The following RIT2 variants were observed in gnomAD, a reference collection of about 807,000 sequenced individuals.
The protein encoded by RIT2 is GTP-binding protein Rit2.
RIT2 carries 24 observed loss-of-function variants against 23.7 expected under a neutral mutation model. The ratio of observed to expected loss-of-function variants is 1.01; its 90% confidence interval spans 0.73 to 1.43. RIT2 has a LOEUF of 1.43. Ranked by LOEUF, RIT2 falls within the 40% of genes most tolerant of loss-of-function variation. The pLI is 0.00. For synonymous variants in RIT2, 107 were observed against 91.1 expected (o/e 1.17, Z -0.99); for missense variants, 236 against 266.9 (o/e 0.88, Z 0.81).
At chr18:43,091,309 A>G (rs1423797549) in intron 1 of RIT2, among the ~76,000 whole-genome samples, 1 of 152,100 alleles carries the variant, frequency 6.6e-6, no homozygotes, top group African/African-American at 2.4e-5. Context: ...TAGAGATTAG[A>G]CAACAAATGG....
chr18:43,080,192 T>C lies in RIT2; in HGVS notation c.103+35225A>G, dbSNP rs1913123526. Among the ~76,000 whole-genome samples the C allele has an allele frequency of 2.0e-5, 3 of 152,292 alleles. No homozygotes were observed. In the South Asian group the frequency reaches 6.2e-4, roughly 32 times the overall value. ...CCTGTGCCAGGCCGCTTTCCTCTGT[T>C]AGAGAATGTATGCACATCAGCTAAT... On this transcript the variant is annotated intron_variant, in intron 1 of 4. Transcript: ENST00000326695.
chr18:43,068,645 A>T (rs1267900652), intron 1 of RIT2, among the ~76,000 whole-genome samples: 7 of 152,150 alleles, frequency 4.6e-5, no homozygotes, highest in Non-Finnish European at 1.0e-4. Context: ...TTGGCAATTG[A>T]GAGAAAATAT....
At chr18:42,779,919 A>G (rs1162109884) in intron 4 of RIT2, among the ~76,000 whole-genome samples, 1 of 152,130 alleles carries the variant, frequency 6.6e-6, no homozygotes, top group Non-Finnish European at 1.5e-5. Context: ...AAATGGAGAG[A>G]ATAGTCAATT....
intron 1 of RIT2, among the ~76,000 whole-genome samples, chr18:43,035,521 A>C (rs1461266684): frequency 6.6e-6 from 1 of 152,018 alleles, no homozygotes; most frequent in African/African-American, 2.4e-5. Flanking sequence ...TCTCACCTAC[A>C]CCTAAACTTT....
chr18:42,784,368 G>A (rs1258487435), intron 4 of RIT2, among the ~76,000 whole-genome samples: 1 of 151,770 alleles, frequency 6.6e-6, no homozygotes, highest in Non-Finnish European at 1.5e-5. Context: ...AAAATACTTG[G>A]GTTTCAACCA....
At chr18:43,105,500 G>A (rs1039239723) in intron 1 of RIT2, among the ~76,000 whole-genome samples, 1 of 150,958 alleles carries the variant, frequency 6.6e-6, no homozygotes, top group Non-Finnish European at 1.5e-5. Context: ...GAGGAAGAAA[G>A]GGAGGGAGGG....
At chr18:42,977,559 G>A (rs570631255) in intron 2 of RIT2, among the ~76,000 whole-genome samples, 8 of 151,872 alleles carry the variant, frequency 5.3e-5, no homozygotes, top group Non-Finnish European at 1.2e-4. Context: ...ATAATGGTGA[G>A]TAACTCTCAC....
intron 4 of RIT2, among the ~76,000 whole-genome samples, chr18:42,805,510 CAT>C (rs1905659010): frequency 6.6e-6 from 1 of 152,098 alleles, no homozygotes; most frequent in Admixed American, 6.6e-5. Flanking sequence ...TCTAAAATCA[CAT>C]GAGTAAATGT....
intron 4 of RIT2, among the ~76,000 whole-genome samples, chr18:42,759,629 G>C (rs1044867213): frequency 2.0e-5 from 3 of 151,222 alleles, no homozygotes; most frequent in African/African-American, 7.3e-5. Context: ...GGGATTAGAG[G>C]CTGCTGCCAT....
chr18:42,879,731 A>T (rs1379355417), intron 4 of RIT2, among the ~76,000 whole-genome samples: 5 of 152,054 alleles, frequency 3.3e-5, no homozygotes, highest in Non-Finnish European at 5.9e-5. Flanking sequence ...ATGATAGGTC[A>T]CCCAATATTG....
chr18:42,984,727 A>G (rs1910670818), intron 2 of RIT2, among the ~76,000 whole-genome samples: 1 of 151,926 alleles, frequency 6.6e-6, no homozygotes, highest in Non-Finnish European at 1.5e-5. Flanking sequence ...TGTTTTAAAA[A>G]CTCCAAATTT....
At chr18:43,101,294 T>C (rs1300843571) in intron 1 of RIT2, among the ~76,000 whole-genome samples, 1 of 152,180 alleles carries the variant, frequency 6.6e-6, no homozygotes, top group Non-Finnish European at 1.5e-5. Flanking sequence ...TTTTGTACAG[T>C]GGCTGTATGA....
At chr18:43,046,765 C>A (rs938976709) in intron 1 of RIT2, among the ~76,000 whole-genome samples, 1 of 152,062 alleles carries the variant, frequency 6.6e-6, no homozygotes, top group Non-Finnish European at 1.5e-5. Context: ...ATGTACTCAA[C>A]CAAAACAACA....
At chr18:43,065,205 T>C (rs1245034050) in intron 1 of RIT2, among the ~76,000 whole-genome samples, 1 of 149,062 alleles carries the variant, frequency 6.7e-6, no homozygotes, top group Non-Finnish European at 1.5e-5. Context: ...CAGCTTCACT[T>C]TCACTTTTTT....
intron 4 of RIT2, among the ~76,000 whole-genome samples, chr18:42,783,550 A>C (rs1383919176): frequency 1.4e-5 from 2 of 148,056 alleles, no homozygotes; most frequent in African/African-American, 5.1e-5. Flanking sequence ...TTGATTTTTT[A>C]AGTTTATAAT....
rs545270801 is a variant in RIT2 at position 43,045,160 on chromosome 18, C to T, written c.104-11293G>A. ...TTTCAGTATGCAGTGCCCTGCATAC[C>T]TGTGCCAACATACGTAAATACAACT... On this transcript the variant is annotated intron_variant, in intron 1 of 4. Coordinates refer to ENST00000326695, the MANE Select transcript of RIT2 (RefSeq NM_002930.4). 6.6e-5 allele frequency among the ~76,000 whole-genome samples: 10 copies of T among 152,198 alleles called. No homozygotes were observed. In the South Asian group the frequency reaches 2.1e-3, roughly 32 times the overall value.
intron 3 of RIT2, among the ~76,000 whole-genome samples, chr18:42,971,662 T>A (rs571734776): frequency 1.3e-5 from 2 of 152,244 alleles, no homozygotes; most frequent in South Asian, 4.1e-4. Context: ...GTGTGGTATC[T>A]GTAGCAGATC....
At chr18:42,935,658 C>T (rs1909436457) in intron 3 of RIT2, among the ~76,000 whole-genome samples, 1 of 151,966 alleles carries the variant, frequency 6.6e-6, no homozygotes, top group African/African-American at 2.4e-5. Context: ...AGAAGGCAAG[C>T]CTAGGAGGTG....
intron 2 of RIT2, among the ~76,000 whole-genome samples, chr18:42,996,638 C>T (rs1910991148): frequency 6.6e-6 from 1 of 151,844 alleles, no homozygotes; most frequent in Non-Finnish European, 1.5e-5. Context: ...AGAGAACAAC[C>T]CCCCTTTGAG....
Sources: allele counts gnomAD v4.1 joint callset (sites outside exome capture counted in the v4.1 genomes callset), GRCh38; gene constraint gnomAD v4.1.1; transcripts MANE v1.5; gene names NCBI Gene and HGNC (gene_info 2026-07-23, HGNC 2026-07-21).